The following PARD3B variants were observed in gnomAD, a reference collection of about 807,000 sequenced individuals.
PARD3B encodes par-3 family cell polarity regulator beta.
PARD3B carries 103 observed loss-of-function variants against 130.2 expected under a neutral mutation model. That is an observed-to-expected ratio of 0.79 (90% CI 0.67 to 0.93). The LOEUF (loss-of-function observed/expected upper bound fraction) is 0.93. Ranked by LOEUF, PARD3B falls within the 40% of genes least tolerant of loss-of-function variation. PARD3B has a pLI of 0.00. For missense variants in PARD3B, 1,609 were observed against 1,499.2 expected (o/e 1.07, Z -1.21); for synonymous variants, 583 against 553.2 (o/e 1.05, Z -0.76).
At chr2:205,032,012 T>A (rs1697462291) in intron 3 of PARD3B, among the ~76,000 whole-genome samples, 1 of 152,272 alleles carries the variant, frequency 6.6e-6, no homozygotes, top group East Asian at 1.9e-4. Context: ...TTAGTGACCC[T>A]CTATGTTAAA....
chr2:204,973,655 C>T (rs928379886), intron 3 of PARD3B, among the ~76,000 whole-genome samples: 2 of 151,772 alleles, frequency 1.3e-5, no homozygotes, highest in Non-Finnish European at 2.9e-5. Context: ...GACACGCTTT[C>T]GTGACTGGCT....
chr2:205,526,831 T>G (rs1243325737), intron 21 of PARD3B, among the ~76,000 whole-genome samples: 1 of 152,210 alleles, frequency 6.6e-6, no homozygotes, highest in African/African-American at 2.4e-5. Context: ...TTTTGCTGTT[T>G]AGAAATGGCC....
At chr2:205,289,872 TCCCCACCAGCAAGAAGG>T (rs201941528) in intron 16 of PARD3B, among the ~76,000 whole-genome samples, 14,420 of 151,816 alleles carry the variant, frequency 0.095, 764 homozygotes, top group Middle Eastern at 0.11. Flanking sequence ...CTGCAGAGAG[TCCCCACCAGCAAGAAGG>T]CCCTTACCAG....
chr2:205,208,582 A>C lies in PARD3B; in HGVS notation c.2140+15262A>C, dbSNP rs1199279598. On this transcript the variant is annotated intron_variant, in intron 15 of 22. Coordinates refer to ENST00000406610, the MANE Select transcript of PARD3B (RefSeq NM_001302769.2). Reference sequence around the variant, plus strand: ...CATTCTTATACACCAATAACAGACAAACAGAGAGCCAAATCATGAGTGAAC... The same window carrying C: ...CATTCTTATACACCAATAACAGACACACAGAGAGCCAAATCATGAGTGAAC... Among the ~76,000 whole-genome samples, 285 of 143,492 alleles carry C rather than the reference A, an allele frequency of 2.0e-3. 4 individuals are homozygous for C. The highest frequency in any genetic ancestry group is 7.4e-3 in the African/African-American group (273 of 37,066). 94.1% of individuals were successfully genotyped at this position (143,492 alleles called of 152,430 possible). A position where few individuals can be genotyped will look rare whatever the true frequency, so the allele number is the denominator to read the frequency against.
intron 2 of PARD3B, among the ~76,000 whole-genome samples, chr2:204,766,139 A>G (rs532533567): frequency 3.9e-5 from 6 of 152,284 alleles, no homozygotes; most frequent in African/African-American, 1.2e-4. Flanking sequence ...AGTGAAAGCT[A>G]TCTTATAGTA....
chr2:205,023,200 G>A (rs911701266), intron 3 of PARD3B, among the ~76,000 whole-genome samples: 3 of 152,174 alleles, frequency 2.0e-5, no homozygotes, highest in Non-Finnish European at 4.4e-5. Context: ...CGCTTTCACA[G>A]AGAGGAGAGG....
chr2:204,800,131 A>G (rs1688729110), intron 2 of PARD3B, among the ~76,000 whole-genome samples: 1 of 152,230 alleles, frequency 6.6e-6, no homozygotes, highest in African/African-American at 2.4e-5. Flanking sequence ...AATTGAGGAT[A>G]GCACAGAGAA....
chr2:205,093,281 G>A (rs1702216711), intron 4 of PARD3B, among the ~76,000 whole-genome samples: 1 of 152,150 alleles, frequency 6.6e-6, no homozygotes, highest in Non-Finnish European at 1.5e-5. Flanking sequence ...TGCAAGTAGA[G>A]TATCTGTTGT....
chr2:204,950,468 A>G (rs1689678368), intron 2 of PARD3B, among the ~76,000 whole-genome samples: 2 of 152,110 alleles, frequency 1.3e-5, no homozygotes, highest in African/African-American at 4.8e-5. Flanking sequence ...GGATTCTAAG[A>G]AAGAGTACCA....
At chr2:205,137,171 A>G (rs1055329775) in intron 10 of PARD3B, among the ~76,000 whole-genome samples, 1 of 152,230 alleles carries the variant, frequency 6.6e-6, no homozygotes, top group Non-Finnish European at 1.5e-5. Flanking sequence ...AGTTATAAAA[A>G]GGAAGAAATT....
intron 18 of PARD3B, among the ~76,000 whole-genome samples, chr2:205,360,567 T>C (rs1159409934): frequency 6.6e-6 from 1 of 152,256 alleles, no homozygotes; most frequent in Non-Finnish European, 1.5e-5. Context: ...GCCAGCTTTA[T>C]TTTTTCTTAA....
intron 1 of PARD3B, among the ~76,000 whole-genome samples, chr2:204,604,567 T>G (rs1444226238): frequency 6.6e-6 from 1 of 152,166 alleles, no homozygotes; most frequent in African/African-American, 2.4e-5. Context: ...GTTTTGAACT[T>G]CTAAAATGAC....
chr2:205,539,156 G>T (rs940441158), intron 21 of PARD3B, among the ~76,000 whole-genome samples: 1 of 152,220 alleles, frequency 6.6e-6, no homozygotes, highest in East Asian at 1.9e-4. Flanking sequence ...AATCAGACAC[G>T]CATTAGGAGT....
intron 3 of PARD3B, among the ~76,000 whole-genome samples, chr2:204,997,105 C>A (rs1276433323): frequency 2.0e-5 from 3 of 152,154 alleles, no homozygotes; most frequent in African/African-American, 7.2e-5. Flanking sequence ...TGGCTCCTCC[C>A]CTCCTCAGTT....
Position 204,771,811 on chromosome 2 carries a change from A to G in PARD3B, c.222+85529A>G, listed in dbSNP as rs113425863. ...ATATCATTGATGCTTGTGTATAAGA[A>G]TGGCAATACTTTATGTGTATGACTT... On this transcript the variant is annotated intron_variant, in intron 2 of 22. Coordinates refer to ENST00000406610, the MANE Select transcript of PARD3B (RefSeq NM_001302769.2). Among the ~76,000 whole-genome samples, 389 of 152,206 alleles carry G rather than the reference A, an allele frequency of 2.6e-3. 2 individuals carry two copies. Among genetic ancestry groups the G allele is most frequent in the Middle Eastern group, 0.014 (4 of 294 alleles).
chr2:204,833,139 G>A (rs1327637802), intron 2 of PARD3B, among the ~76,000 whole-genome samples: 2 of 152,082 alleles, frequency 1.3e-5, no homozygotes, highest in Non-Finnish European at 2.9e-5. Context: ...CCTTATTATG[G>A]TGTCATCATC....
chr2:205,248,217 A>G (rs1018464005), intron 16 of PARD3B, among the ~76,000 whole-genome samples: 2 of 152,132 alleles, frequency 1.3e-5, no homozygotes, highest in Non-Finnish European at 2.9e-5. Context: ...TGCTGGGATT[A>G]CAGGTATGAA....
In PARD3B at chr2:205,265,075, G is replaced by A. The variant is rs528726315; in HGVS notation, c.2185+19253G>A. ...AGGGAAAAATATCAACAGCGAAACC[G>A]GATAGATGTGGCACCAATAGCTTAC... On this transcript the variant is annotated intron_variant, in intron 16 of 22. Coordinates refer to ENST00000406610, the MANE Select transcript of PARD3B (RefSeq NM_001302769.2). The surrounding 1 kb of genome is among the most constrained non-coding windows in gnomAD (Gnocchi z 4.3). Among the ~76,000 whole-genome samples the A allele has an allele frequency of 7.2e-5, 11 of 151,898 alleles. No homozygotes were observed. The highest frequency in any genetic ancestry group is 3.3e-4 in the Admixed American group (5 of 15,236).
intron 2 of PARD3B, among the ~76,000 whole-genome samples, chr2:204,753,934 G>A (rs2125393906): frequency 6.6e-6 from 1 of 152,174 alleles, no homozygotes; most frequent in South Asian, 2.1e-4. Context: ...TTGGTGCAGT[G>A]TTATTAAGCA....
Sources: allele counts gnomAD v4.1 joint callset (sites outside exome capture counted in the v4.1 genomes callset), GRCh38; gene constraint gnomAD v4.1.1; non-coding constraint Gnocchi (gnomAD v3.1); transcripts MANE v1.5; gene names NCBI Gene and HGNC (gene_info 2026-07-23, HGNC 2026-07-21).